The following SPOCK1 variants were observed in gnomAD, a reference collection of about 807,000 sequenced individuals.
The protein encoded by SPOCK1 is SPARC (osteonectin), cwcv and kazal like domains proteoglycan 1.
In SPOCK1, 23 loss-of-function variants were observed where a neutral mutation model predicts 55.3. The observed-to-expected ratio is 0.42, with a 90% confidence interval of 0.30 to 0.59. The LOEUF (loss-of-function observed/expected upper bound fraction) is 0.59. Among genes scored for constraint, SPOCK1 ranks in the 20% least tolerant of loss-of-function variants. The pLI is 0.22. For missense variants in SPOCK1, 499 were observed against 552.5 expected (o/e 0.90, Z 0.97); for synonymous variants, 226 against 221.0 (o/e 1.02, Z -0.20).
chr5:137,293,161 TTAAA>T (rs1190659654), intron 2 of SPOCK1, among the ~76,000 whole-genome samples: 1 of 145,730 alleles, frequency 6.9e-6, no homozygotes, highest in African/African-American at 2.5e-5. Context: ...GCTTATTTCT[TTAAA>T]TAAATCTAAT....
At chr5:137,251,942 C>G (rs1756539395) in intron 3 of SPOCK1, among the ~76,000 whole-genome samples, 1 of 152,014 alleles carries the variant, frequency 6.6e-6, no homozygotes, top group African/African-American at 2.4e-5. Flanking sequence ...TTCTTCGAGA[C>G]AGAGTCTTGC....
At chr5:137,324,585 A>G (rs1758040930) in intron 2 of SPOCK1, among the ~76,000 whole-genome samples, 1 of 152,220 alleles carries the variant, frequency 6.6e-6, no homozygotes, top group Admixed American at 6.5e-5. Flanking sequence ...CTTTAAAAAC[A>G]AAAAGTAGAA....
At chr5:137,113,255 C>G (rs562701172) in intron 4 of SPOCK1, among the ~76,000 whole-genome samples, 1 of 152,170 alleles carries the variant, frequency 6.6e-6, no homozygotes, top group Non-Finnish European at 1.5e-5. Context: ...CTTACGTCCA[C>G]GGAAGGAACC....
chr5:137,218,995 G>T (rs1424240232), intron 3 of SPOCK1, among the ~76,000 whole-genome samples: 1 of 152,184 alleles, frequency 6.6e-6, no homozygotes, highest in Non-Finnish European at 1.5e-5. Flanking sequence ...CTCCTTTGTT[G>T]TAAGACCTGC....
intron 2 of SPOCK1, among the ~76,000 whole-genome samples, chr5:137,277,252 T>C (rs2961640): frequency 0.71 from 108,512 of 152,054 alleles, 39,440 homozygotes; most frequent in African/African-American, 0.86. Context: ...TAGCCTCATG[T>C]GATCCTCCTG....
At position 137,218,574 on chromosome 5, in the gene SPOCK1, T is replaced by A. The variant is rs543827064; in HGVS notation, c.232+48436A>T. On this transcript the variant is annotated intron_variant, in intron 3 of 10. Coordinates refer to ENST00000394945, the MANE Select transcript of SPOCK1 (RefSeq NM_004598.4). Reference sequence around the variant, plus strand: ...TGTGAATTAAGCAAAAGAACAACAATGCCACTTATTTAATCCTTCTGGAAA... The same window carrying A: ...TGTGAATTAAGCAAAAGAACAACAAAGCCACTTATTTAATCCTTCTGGAAA... Among the ~76,000 whole-genome samples, 4 of 152,334 alleles carry A rather than the reference T, an allele frequency of 2.6e-5. No homozygotes were observed. In the South Asian group the frequency reaches 8.3e-4, roughly 32 times the overall value.
chr5:137,018,067 G>A (rs972590384), intron 6 of SPOCK1, among the ~76,000 whole-genome samples: 3 of 152,222 alleles, frequency 2.0e-5, no homozygotes, highest in Non-Finnish European at 4.4e-5. Flanking sequence ...TGCCCCCGAG[G>A]GGACATTTGG....
chr5:137,057,209 A>T (rs1317933819), intron 6 of SPOCK1, among the ~76,000 whole-genome samples: 1 of 151,960 alleles, frequency 6.6e-6, no homozygotes. Flanking sequence ...CACTCTTTTC[A>T]AGCAGGAGGG....
intron 9 of SPOCK1, among the ~76,000 whole-genome samples, chr5:136,984,845 G>GGCT (rs1208551586): frequency 9.2e-5 from 14 of 152,288 alleles, no homozygotes; most frequent in Admixed American, 4.6e-4. Context: ...ATCTTACTTA[G>GGCT]AAAAAGCCAA....
intron 5 of SPOCK1, among the ~76,000 whole-genome samples, chr5:137,097,938 G>C (rs771832357): frequency 6.6e-6 from 1 of 152,288 alleles, no homozygotes; most frequent in African/African-American, 2.4e-5. Flanking sequence ...CTACCCGAGA[G>C]CAGAAGGCAG....
intron 5 of SPOCK1, among the ~76,000 whole-genome samples, chr5:137,077,963 A>G (rs1041756136): frequency 1.3e-5 from 2 of 152,168 alleles, no homozygotes; most frequent in Non-Finnish European, 2.9e-5. Flanking sequence ...GATGAGAAGG[A>G]AAAGGGTAAG....
intron 2 of SPOCK1, among the ~76,000 whole-genome samples, chr5:137,282,479 C>T (rs1194952907): frequency 6.6e-6 from 1 of 152,250 alleles, no homozygotes; most frequent in Non-Finnish European, 1.5e-5. Context: ...TGCAGGCGTC[C>T]TGCCTAGGAA....
chr5:136,983,201 T>A (rs1419156708), intron 9 of SPOCK1, among the ~76,000 whole-genome samples: 1 of 152,104 alleles, frequency 6.6e-6, no homozygotes. Context: ...CATTTTCAAA[T>A]TTGCCTTTTA....
intron 6 of SPOCK1, among the ~76,000 whole-genome samples, chr5:137,021,778 G>A (rs1751578874): frequency 1.3e-5 from 2 of 152,032 alleles, no homozygotes; most frequent in Admixed American, 1.3e-4. Context: ...TTGGGAAGAA[G>A]ATGACAATAT....
At chr5:137,156,399 T>A (rs977807778) in intron 3 of SPOCK1, among the ~76,000 whole-genome samples, 21 of 152,110 alleles carry the variant, frequency 1.4e-4, no homozygotes, top group African/African-American at 4.8e-4. Context: ...TGGAGCAAAA[T>A]TCCTCATGAG....
rs142159364 is a variant in SPOCK1, at chr5:137,355,996, C to T, written c.187-88941G>A. Reference sequence around the variant, plus strand: ...CGGGGAGAGGCTCAGTTCTTCCAGCCGTCACTTCCACTACCCTCCTGTTGG... The same window carrying T: ...CGGGGAGAGGCTCAGTTCTTCCAGCTGTCACTTCCACTACCCTCCTGTTGG... On this transcript the variant is annotated intron_variant, in intron 2 of 10. Transcript: ENST00000394945. Among the ~76,000 whole-genome samples, 605 of 152,262 alleles carry T rather than the reference C, an allele frequency of 4.0e-3. 5 individuals are homozygous for T. Among genetic ancestry groups the T allele is most frequent in the African/African-American group, 0.014 (565 of 41,550 alleles).
intron 2 of SPOCK1, among the ~76,000 whole-genome samples, chr5:137,398,926 T>C (rs1008381799): frequency 2.6e-5 from 4 of 151,958 alleles, no homozygotes; most frequent in African/African-American, 9.7e-5. Context: ...GCCAATTGGA[T>C]TTTCCAAAAA....
intron 5 of SPOCK1, among the ~76,000 whole-genome samples, chr5:137,106,045 G>A (rs1044740878): frequency 1.3e-5 from 2 of 152,110 alleles, no homozygotes; most frequent in Non-Finnish European, 1.5e-5. Flanking sequence ...TGACATCTGA[G>A]CTTCAGTCAG....
At chr5:137,432,529 T>G (rs1752770281) in intron 2 of SPOCK1, among the ~76,000 whole-genome samples, 1 of 152,214 alleles carries the variant, frequency 6.6e-6, no homozygotes. Context: ...TTAGGATTCC[T>G]GCCTGACTTA....
Sources: allele counts gnomAD v4.1 joint callset (sites outside exome capture counted in the v4.1 genomes callset), GRCh38; gene constraint gnomAD v4.1.1; transcripts MANE v1.5; gene names NCBI Gene and HGNC (gene_info 2026-07-23, HGNC 2026-07-21).